Variants in SUPT3H observed in about 807,000 individuals in gnomAD.
SUPT3H encodes the protein SPT3 homolog, SAGA and STAGA complex component.
In SUPT3H, 44 loss-of-function variants were observed where a neutral mutation model predicts 44.3. That is an observed-to-expected ratio of 0.99 (90% CI 0.78 to 1.28). The LOEUF (loss-of-function observed/expected upper bound fraction) is 1.28, where lower values mean the gene tolerates loss of function less well. Among genes scored for constraint, SUPT3H ranks in the 50% most tolerant of loss-of-function variants. The pLI, the probability that SUPT3H is intolerant of heterozygous loss-of-function variation, is 0.00. For missense variants in SUPT3H, 380 were observed against 387.1 expected, an observed-to-expected ratio of 0.98 and a Z score of 0.15; for synonymous variants, 124 against 125.6, an observed-to-expected ratio of 0.99 and a Z score of 0.09.
intron 4 of SUPT3H, among the ~76,000 whole-genome samples, chr6:45,018,313 C>T (rs920723391): frequency 1.3e-5 from 2 of 151,988 alleles, no homozygotes; most frequent in Non-Finnish European, 2.9e-5. Context: ...TTGACTTCCT[C>T]TTTTCCTAAT....
chr6:45,096,600 CAAAG>C lies in SUPT3H; in HGVS notation c.186+9318_186+9321del, dbSNP rs148208684. Among the ~76,000 whole-genome samples the C allele has an allele frequency of 7.9e-3, 1,197 of 151,128 alleles. 16 individuals carry two copies. The highest frequency in any genetic ancestry group is 0.027 in the Middle Eastern group (8 of 292). The stretch of plus-strand genomic sequence containing the variant: ...TAGATTCCACATGGGAACAACAGGT[CAAAG>C]AAAGACGAGACAAAAAAAAATGATT... On this transcript the variant is annotated intron_variant, in intron 3 of 10. Transcript: ENST00000371459.
At chr6:44,876,396 C>T (rs1439960648) in intron 10 of SUPT3H, among the ~76,000 whole-genome samples, 4 of 101,396 alleles carry the variant, frequency 3.9e-5, no homozygotes, top group East Asian at 3.0e-4. Flanking sequence ...AGTAAACTAT[C>T]GCAAGAACAA....
chr6:45,252,510 T>C (rs1293999017), intron 2 of SUPT3H, among the ~76,000 whole-genome samples: 1 of 152,152 alleles, frequency 6.6e-6, no homozygotes. Flanking sequence ...TTTCCTATGA[T>C]GTAACAAGCA....
intron 10 of SUPT3H, among the ~76,000 whole-genome samples, chr6:44,845,536 C>T (rs780703669): frequency 1.3e-5 from 2 of 152,166 alleles, no homozygotes; most frequent in Non-Finnish European, 2.9e-5. Context: ...GGCCTGTACC[C>T]ACAGACCTAG....
chr6:45,064,780 C>T (rs1050541219), intron 3 of SUPT3H, among the ~76,000 whole-genome samples: 11 of 147,604 alleles, frequency 7.5e-5, no homozygotes, highest in African/African-American at 2.8e-4. Flanking sequence ...TATATATGCA[C>T]CCAATACAGG....
At chr6:45,224,722 G>C (rs760517169) in intron 2 of SUPT3H, among the ~76,000 whole-genome samples, 1 of 151,324 alleles carries the variant, frequency 6.6e-6, no homozygotes, top group Non-Finnish European at 1.5e-5. Flanking sequence ...AGGTTGCAGT[G>C]AGCTGAGATC....
chr6:45,005,138 A>G (rs1053594920), intron 5 of SUPT3H, among the ~76,000 whole-genome samples: 4 of 152,196 alleles, frequency 2.6e-5, no homozygotes, highest in Non-Finnish European at 5.9e-5. Context: ...TCAAGTTTCC[A>G]AGACTAATGA....
intron 3 of SUPT3H, among the ~76,000 whole-genome samples, chr6:45,069,902 A>T (rs1794109023): frequency 6.6e-6 from 1 of 152,152 alleles, no homozygotes; most frequent in African/African-American, 2.4e-5. Context: ...TGATATAAAT[A>T]TGCCTAGAGA....
intron 2 of SUPT3H, among the ~76,000 whole-genome samples, chr6:45,134,714 C>T (rs1416392775): frequency 6.6e-6 from 1 of 152,120 alleles, no homozygotes; most frequent in African/African-American, 2.4e-5. Flanking sequence ...GTCTAAAACC[C>T]AACAAGGAAA....
intron 2 of SUPT3H, among the ~76,000 whole-genome samples, chr6:45,168,199 T>C (rs1204568572): frequency 2.0e-5 from 3 of 152,194 alleles, no homozygotes; most frequent in Non-Finnish European, 4.4e-5. Context: ...GAAAACTGTT[T>C]ACCTGTGTTC....
Position 44,934,190 on chromosome 6 carries a change from T to C in SUPT3H, c.802-1427A>G, listed in dbSNP as rs565516285. Among the ~76,000 whole-genome samples, 331 of 152,286 alleles carry C rather than the reference T, an allele frequency of 2.2e-3. 1 individual carries two copies. Among genetic ancestry groups the C allele is most frequent in the African/African-American group, 7.6e-3 (316 of 41,552 alleles). ...TTTGTAGGGAATATAACTCTATAGATAGCAACCTCTATGGATAGCAATTTG... is the reference window on the plus strand; with the variant it reads ...TTTGTAGGGAATATAACTCTATAGACAGCAACCTCTATGGATAGCAATTTG... On this transcript the variant is annotated intron_variant, in intron 9 of 10. Coordinates refer to ENST00000371459, the MANE Select transcript of SUPT3H (RefSeq NM_003599.4).
At position 45,194,264 on chromosome 6, in the gene SUPT3H, C is replaced by G. The variant is rs181115885; in HGVS notation, c.102-88258G>C. Among the ~76,000 whole-genome samples, 11 of 151,754 alleles carry G rather than the reference C, an allele frequency of 7.2e-5. No individual in the cohort carries two copies. In the East Asian group the frequency reaches 1.9e-3, roughly 27 times the overall value. On this transcript the variant is annotated intron_variant, in intron 2 of 10. Coordinates refer to ENST00000371459, the MANE Select transcript of SUPT3H (RefSeq NM_003599.4). ...ATATTTCAAACACAACACATGTATC[C>G]CTGGTTTCACAAGAATCATGCTATA...
intron 3 of SUPT3H, among the ~76,000 whole-genome samples, chr6:45,024,434 C>T (rs957419417): frequency 3.9e-5 from 6 of 151,928 alleles, no homozygotes; most frequent in African/African-American, 1.2e-4. Flanking sequence ...CATATTTGTT[C>T]TACTATAATC....
chr6:45,088,974 C>T lies in SUPT3H; in HGVS notation c.186+16948G>A, dbSNP rs571490034. On this transcript the variant is annotated intron_variant, in intron 3 of 10. Transcript: ENST00000371459. ...TACACTAACTTTGTAAATTTGATAT[C>T]TTTCTTTACCAGAATAAGATGTATT... Among the ~76,000 whole-genome samples the T allele has an allele frequency of 2.6e-5, 4 of 152,062 alleles. No homozygotes were observed. The East Asian group carries it at 7.7e-4, about 29-fold the overall frequency.
chr6:45,086,872 C>A (rs1300580341), intron 3 of SUPT3H, among the ~76,000 whole-genome samples: 1 of 151,758 alleles, frequency 6.6e-6, no homozygotes, highest in African/African-American at 2.4e-5. Context: ...TAATAGTGAA[C>A]ACTAGGTGTC....
intron 2 of SUPT3H, among the ~76,000 whole-genome samples, chr6:45,224,295 G>A (rs1419934243): frequency 6.6e-6 from 1 of 151,944 alleles, no homozygotes; most frequent in Admixed American, 6.6e-5. Flanking sequence ...TTCTCTCAAT[G>A]GGATTGTTAA....
chr6:45,151,038 A>G lies in SUPT3H; in HGVS notation c.102-45032T>C, dbSNP rs562487986. Reference sequence around the variant, plus strand: ...ACCCAGCCATCTTTATACTGCTTTCAAAGCATTCAATGAGAGAAATAACCA... The same window carrying G: ...ACCCAGCCATCTTTATACTGCTTTCGAAGCATTCAATGAGAGAAATAACCA... On this transcript the variant is annotated intron_variant, in intron 2 of 10. Transcript: ENST00000371459. Among the ~76,000 whole-genome samples, 7 of 152,258 alleles carry G rather than the reference A, an allele frequency of 4.6e-5. No individual in the cohort carries two copies. The South Asian group carries it at 1.4e-3, about 32-fold the overall frequency.
chr6:44,994,776 A>G (rs1184807628), intron 6 of SUPT3H, among the ~76,000 whole-genome samples: 2 of 152,098 alleles, frequency 1.3e-5, no homozygotes, highest in East Asian at 1.9e-4. Context: ...AAAAACATAA[A>G]AGGGCAGGAA....
At chr6:45,043,970 T>C (rs1278075940) in intron 3 of SUPT3H, among the ~76,000 whole-genome samples, 5 of 152,224 alleles carry the variant, frequency 3.3e-5, no homozygotes, top group Non-Finnish European at 7.3e-5. Flanking sequence ...ACAGAATTTA[T>C]TAATTTCAGG....
Sources: allele counts gnomAD v4.1 joint callset (sites outside exome capture counted in the v4.1 genomes callset), GRCh38; gene constraint gnomAD v4.1.1; transcripts MANE v1.5; gene names NCBI Gene and HGNC (gene_info 2026-07-23, HGNC 2026-07-21).